Variants in TMEM14A observed in about 807,000 individuals in gnomAD.
TMEM14A encodes transmembrane protein 14A.
A neutral mutation model predicts 11.6 loss-of-function variants in TMEM14A; 8 were observed. That is an observed-to-expected ratio of 0.69 (90% CI 0.40 to 1.24). The LOEUF (loss-of-function observed/expected upper bound fraction) is 1.24, where lower values mean the gene tolerates loss of function less well. Among genes scored for constraint, TMEM14A ranks in the 50% most tolerant of loss-of-function variants. TMEM14A has a pLI of 0.01. For synonymous variants in TMEM14A, 34 were observed against 45.5 expected, an observed-to-expected ratio of 0.75 and a Z score of 1.02; for missense variants, 108 against 121.9, an observed-to-expected ratio of 0.89 and a Z score of 0.54.
intron 1 of TMEM14A, among the ~76,000 whole-genome samples, chr6:52,675,877 A>G (rs1769247714): frequency 6.6e-6 from 1 of 152,226 alleles, no homozygotes; most frequent in African/African-American, 2.4e-5. Context: ...GGAAGAAGGC[A>G]TTTGCTCCAG....
chr6:52,678,358 TGTGTGTGTGTGTG>T (rs1769303228), intron 2 of TMEM14A, among the ~76,000 whole-genome samples: 1 of 101,022 alleles, frequency 9.9e-6, no homozygotes, highest in African/African-American at 3.4e-5. Context: ...TGTGTGTGTG[TGTGTGTGTGTGTG>T]GAAGGAATCA....
intron 2 of TMEM14A, among the ~76,000 whole-genome samples, 183 bp from the exon 3 acceptor site, chr6:52,681,630 G>A (rs746337818): frequency 6.6e-6 from 1 of 152,180 alleles, no homozygotes; most frequent in Admixed American, 6.5e-5. Flanking sequence ...TTTGGGTTCA[G>A]CAGGAAACAG....
intron 3 of TMEM14A, among the ~76,000 whole-genome samples, chr6:52,682,399 A>C (rs1769406906): frequency 6.6e-6 from 1 of 152,224 alleles, no homozygotes; most frequent in Non-Finnish European, 1.5e-5. Flanking sequence ...GAAAAAATGG[A>C]AACCTGTGTG....
intron 2 of TMEM14A, among the ~76,000 whole-genome samples, chr6:52,680,665 A>ATATACATATATGTT (rs1352415278): frequency 2.1e-5 from 1 of 47,208 alleles, no homozygotes; most frequent in Non-Finnish European, 4.2e-5. Context: ...GTGTATATAT[A>ATATACATATATGTT]TGTGTATATA....
chr6:52,685,391 C>T (rs571247984), intron 4 of TMEM14A, among the ~76,000 whole-genome samples: 4 of 152,130 alleles, frequency 2.6e-5, no homozygotes, highest in African/African-American at 9.6e-5. Context: ...GTCAGGAGTT[C>T]AAGACCAGCC....
chr6:52,680,660 T>TATATATATATAC (rs1185425959), intron 2 of TMEM14A, among the ~76,000 whole-genome samples: 13 of 46,714 alleles, frequency 2.8e-4, no homozygotes, highest in South Asian at 7.4e-4. Context: ...TGTGTGTGTA[T>TATATATATATAC]ATATATGTGT....
chr6:52,671,575 C>T lies in TMEM14A; in HGVS notation c.-17+330C>T, dbSNP rs1769162646. On this transcript the variant is annotated intron_variant, in intron 1 of 4. Coordinates refer to ENST00000211314, the MANE Select transcript of TMEM14A (RefSeq NM_014051.4). ...GGATTTTAACCTTCTCAGCACCACCCAGACCCCACTCGAAAATGTGCCTTT... is the reference window on the plus strand; with the variant it reads ...GGATTTTAACCTTCTCAGCACCACCTAGACCCCACTCGAAAATGTGCCTTT... 6.6e-5 allele frequency among the ~76,000 whole-genome samples: 10 copies of T among 152,274 alleles called. No individual in the cohort carries two copies. In the South Asian group the frequency reaches 2.1e-3, roughly 32 times the overall value.
rs557045699 is a variant in TMEM14A, at chr6:52,679,959, C to A, written c.71-1854C>A. Among the ~76,000 whole-genome samples, 3 of 152,090 alleles carry A rather than the reference C, an allele frequency of 2.0e-5. No individual in the cohort carries two copies. In the East Asian group the frequency reaches 5.8e-4, roughly 29 times the overall value. On this transcript the variant is annotated intron_variant, in intron 2 of 4. Coordinates refer to ENST00000211314, the MANE Select transcript of TMEM14A (RefSeq NM_014051.4). ...CATAGAATCTCTAGGTGAGAAGACACCTTAATGGTCACCTAGTTGTGCATT... is the reference window on the plus strand; with the variant it reads ...CATAGAATCTCTAGGTGAGAAGACAACTTAATGGTCACCTAGTTGTGCATT...
intron 2 of TMEM14A, among the ~76,000 whole-genome samples, chr6:52,680,286 C>T (rs1304990517): frequency 1.3e-5 from 2 of 151,626 alleles, no homozygotes; most frequent in East Asian, 3.9e-4. Context: ...CTACACTTGG[C>T]CAAGTGAACA....
intron 1 of TMEM14A, 31 bp from the exon 2 acceptor site, chr6:52,677,056 T>G (rs774209303): frequency 1.2e-6 from 2 of 1,605,066 alleles, no homozygotes; most frequent in Non-Finnish European, 1.7e-6. Context: ...TTTTTTATTT[T>G]GTATAATTTG....
rs984956057 is a variant in TMEM14A at position 52,684,196 on chromosome 6, C to T, written c.260+31C>T. The stretch of plus-strand genomic sequence containing the variant: ...TAAAACTATTTTGATCAATACTTTC[C>T]TCTGCTGTTGTTTTGAAGTGCTGAA... On this transcript the variant is annotated intron_variant, in intron 4 of 4. Transcript: ENST00000211314. The T allele has an allele frequency of 4.4e-6, 7 of 1,587,384 alleles. No homozygotes were observed. In the Admixed American group the frequency reaches 1.1e-4, roughly 24 times the overall value.
At chr6:52,683,999 T>G in intron 3 of TMEM14A, 79 bp from the exon 4 acceptor site, 1 of 1,352,880 alleles carries the variant, frequency 7.4e-7, no homozygotes, top group Middle Eastern at 1.8e-4. Flanking sequence ...TTAGAAAGCT[T>G]TAAATGGTAC....
chr6:52,683,897 A>T (rs1769441500), intron 3 of TMEM14A, among the ~76,000 whole-genome samples, 181 bp from the exon 4 acceptor site: 1 of 152,218 alleles, frequency 6.6e-6, no homozygotes, highest in Non-Finnish European at 1.5e-5. Flanking sequence ...TTATAGGCGT[A>T]AGCCACTGGC....
At chr6:52,676,226 A>G (rs1378441754) in intron 1 of TMEM14A, among the ~76,000 whole-genome samples, 1 of 152,126 alleles carries the variant, frequency 6.6e-6, no homozygotes, top group Admixed American at 6.6e-5. Flanking sequence ...TGAAGGGGAA[A>G]GTAGAGGGTT....
At chr6:52,680,998 A>G (rs1769381622) in intron 2 of TMEM14A, among the ~76,000 whole-genome samples, 1 of 151,542 alleles carries the variant, frequency 6.6e-6, no homozygotes, top group Admixed American at 6.6e-5. Context: ...TTGAATTTCC[A>G]ATGGATATTT....
chr6:52,685,880 A>C (rs1044156657), intron 4 of TMEM14A, 130 bp from the exon 5 acceptor site: 14 of 666,584 alleles, frequency 2.1e-5, no homozygotes, highest in Middle Eastern at 2.6e-4. Context: ...TAATCCTCCA[A>C]GGGGTTGAGC....
intron 2 of TMEM14A, 137 bp from the exon 3 acceptor site, chr6:52,681,676 C>T: frequency 1.4e-6 from 1 of 695,972 alleles, no homozygotes; most frequent in East Asian, 2.7e-5. Context: ...GAGGCCTATT[C>T]TTAATTTGGC....
intron 1 of TMEM14A, among the ~76,000 whole-genome samples, chr6:52,674,889 CTTT>C (rs35094326): frequency 0.53 from 73,540 of 139,508 alleles, 19,123 homozygotes; most frequent in East Asian, 0.62. Context: ...AATTCTTCTT[CTTT>C]TTTTTTTTTT....
intron 1 of TMEM14A, among the ~76,000 whole-genome samples, chr6:52,675,284 G>A (rs1048224020): frequency 6.6e-6 from 1 of 152,134 alleles, no homozygotes; most frequent in African/African-American, 2.4e-5. Context: ...AAATATGCAA[G>A]GAATCTCACT....
Sources: gnomAD v4.1 joint callset for allele counts (sites outside exome capture counted in the v4.1 genomes callset) on GRCh38, gnomAD v4.1.1 for gene constraint, MANE v1.5 for transcripts, NCBI Gene and HGNC (gene_info 2026-07-23, HGNC 2026-07-21) for gene names.